The following NOL4L variants were observed in gnomAD, a reference collection of about 807,000 sequenced individuals.
The protein encoded by NOL4L is nucleolar protein 4-like.
Under a neutral mutation model 64.5 loss-of-function variants are expected in NOL4L, and 7 were observed. The observed-to-expected ratio is 0.11, with a 90% CI of 0.06 to 0.20. The LOEUF is 0.20. Ranked by LOEUF, NOL4L falls within the 10% of genes least tolerant of loss-of-function variation. The probability of loss-of-function intolerance (pLI) is 1.00; values close to 1 mark genes in which losing one functional copy is unlikely to be tolerated. For synonymous variants in NOL4L, 413 were observed against 401.0 expected (o/e 1.03, Z -0.36); for missense variants, 680 against 967.1 (o/e 0.70, Z 3.94).
At chr20:32,499,194 A>T (rs2016818591) in intron 4 of NOL4L, among the ~76,000 whole-genome samples, 1 of 151,998 alleles carries the variant, frequency 6.6e-6, no homozygotes, top group Admixed American at 6.6e-5. Context: ...ATTTTTTTTT[A>T]AATAAATGCC....
At chr20:32,551,862 C>T (rs529683661) in intron 1 of NOL4L, among the ~76,000 whole-genome samples, 1 of 152,248 alleles carries the variant, frequency 6.6e-6, no homozygotes, top group East Asian at 1.9e-4. Flanking sequence ...AATCATAACT[C>T]CCTGCAGCCT....
chr20:32,476,656 T>G (rs1348408281), intron 4 of NOL4L, among the ~76,000 whole-genome samples: 1 of 152,250 alleles, frequency 6.6e-6, no homozygotes, highest in African/African-American at 2.4e-5. Flanking sequence ...GCACCTGCTA[T>G]GGGCCAAGCT....
intron 1 of NOL4L, among the ~76,000 whole-genome samples, chr20:32,559,949 T>C (rs1461193638): frequency 6.6e-6 from 1 of 152,182 alleles, no homozygotes; most frequent in African/African-American, 2.4e-5. Context: ...AGACCAAGCC[T>C]CCCTCTGCCT....
In NOL4L at chr20:32,447,749, G is replaced by A. The variant is rs758688029; in HGVS notation, c.1890C>T (p.Ser630=). The part of the protein sequence containing the change: ...TTSTTPTPTP[S]STSTSRPVPT... Reference sequence around the variant, plus strand: ...GCACGGGCCTGCTGGTGCTGGTGCTGGAGGGGGTGGGCGTGGGGGTGGTGG... The same window carrying A: ...GCACGGGCCTGCTGGTGCTGGTGCTAGAGGGGGTGGGCGTGGGGGTGGTGG... Residue 630 remains serine, a synonymous_variant, in exon 11 of 11, where the codon TCC becomes TCT. Coordinates refer to ENST00000621426, the MANE Select transcript of NOL4L (RefSeq NM_001256798.2). The A allele has an allele frequency of 1.9e-6, 3 of 1,598,968 alleles. No homozygotes were observed. Among genetic ancestry groups the A allele is most frequent in the South Asian group, 2.2e-5 (2 of 90,262 alleles).
At chr20:32,512,004 A>G (rs889048269) in intron 3 of NOL4L, among the ~76,000 whole-genome samples, 1 of 151,990 alleles carries the variant, frequency 6.6e-6, no homozygotes, top group Non-Finnish European at 1.5e-5. Flanking sequence ...CAGAGTGAGA[A>G]TCTATCTCTA....
intron 10 of NOL4L, 50 bp from the exon 11 acceptor site, chr20:32,447,866 T>C: frequency 6.6e-7 from 1 of 1,513,906 alleles, no homozygotes. Flanking sequence ...CTGCCTGGCA[T>C]CTGGGAGGTG....
rs370726909 is a variant in NOL4L at position 32,507,890 on chromosome 20, A to G, written c.699+3457T>C. On this transcript the variant is annotated intron_variant, in intron 4 of 10. Transcript: ENST00000621426. ...GCCAGGCCTAGTGGCGGCCTCCTGT[A>G]ATCCCAGCTACTCGGGAGGTAGAGG... Among the ~76,000 whole-genome samples the G allele has an allele frequency of 2.6e-5, 4 of 152,288 alleles. No individual in the cohort carries two copies. The East Asian group carries it at 7.7e-4, about 29-fold the overall frequency.
chr20:32,457,280 A>G (rs920251679), intron 5 of NOL4L, among the ~76,000 whole-genome samples: 1 of 152,162 alleles, frequency 6.6e-6, no homozygotes, highest in African/African-American at 2.4e-5. Context: ...CTCAGCTGAG[A>G]CGGCAGAGGC....
At chr20:32,537,178 G>C in intron 1 of NOL4L, 1 of 928,372 alleles carries the variant, frequency 1.1e-6, no homozygotes, top group Non-Finnish European at 1.3e-6. Context: ...CTGATCTCCC[G>C]TAGTCCTCAC....
chr20:32,508,877 C>G (rs561903415), intron 4 of NOL4L, among the ~76,000 whole-genome samples: 4 of 152,358 alleles, frequency 2.6e-5, no homozygotes, highest in African/African-American at 9.6e-5. Flanking sequence ...TGCTTTCCCC[C>G]TTTTGCTTCG....
At chr20:32,536,898 G>GGCCTCCCCCTGTCTCCA (rs2018550488) in intron 1 of NOL4L, among the ~76,000 whole-genome samples, 1 of 148,844 alleles carries the variant, frequency 6.7e-6, no homozygotes, top group Non-Finnish European at 1.5e-5. Flanking sequence ...CAGGGCGGCT[G>GGCCTCCCCCTGTCTCCA]GCCTCCCCCT....
At chr20:32,574,497 C>T (rs1979962761) in intron 1 of NOL4L, among the ~76,000 whole-genome samples, 2 of 152,148 alleles carry the variant, frequency 1.3e-5, no homozygotes, top group Non-Finnish European at 2.9e-5. Flanking sequence ...CTGTGGAAGC[C>T]AGGGGCTCTC....
intron 4 of NOL4L, among the ~76,000 whole-genome samples, chr20:32,506,536 C>T (rs2017147608): frequency 6.6e-6 from 1 of 152,060 alleles, no homozygotes; most frequent in Admixed American, 6.5e-5. Context: ...TGGTGCGTGC[C>T]TGTAATCTCA....
intron 5 of NOL4L, among the ~76,000 whole-genome samples, chr20:32,456,928 G>T (rs2013594065): frequency 6.6e-6 from 1 of 152,242 alleles, no homozygotes; most frequent in Non-Finnish European, 1.5e-5. Flanking sequence ...GTGACCTCCA[G>T]CCATTCACTC....
intron 6 of NOL4L, among the ~76,000 whole-genome samples, chr20:32,455,770 G>C (rs2013437871): frequency 6.6e-6 from 1 of 152,240 alleles, no homozygotes; most frequent in Non-Finnish European, 1.5e-5. Flanking sequence ...CCTCGTACCT[G>C]GCTGTGCCGA....
intron 1 of NOL4L, among the ~76,000 whole-genome samples, chr20:32,556,959 G>C (rs1978695033): frequency 6.6e-6 from 1 of 152,232 alleles, no homozygotes; most frequent in African/African-American, 2.4e-5. Flanking sequence ...TGCAAAGCAG[G>C]GTGGGAAATC....
chr20:32,568,564 C>T (rs1481774546), intron 1 of NOL4L, among the ~76,000 whole-genome samples: 1 of 152,248 alleles, frequency 6.6e-6, no homozygotes, highest in Non-Finnish European at 1.5e-5. Context: ...CTACAACACT[C>T]AATGGCTCCC....
chr20:32,552,653 C>T (rs1485655783), intron 1 of NOL4L, among the ~76,000 whole-genome samples: 1 of 151,864 alleles, frequency 6.6e-6, no homozygotes, highest in Non-Finnish European at 1.5e-5. Flanking sequence ...TGCCACTGCA[C>T]TCCAGCCTGG....
intron 3 of NOL4L, among the ~76,000 whole-genome samples, chr20:32,514,618 C>T (rs995282157): frequency 2.6e-5 from 4 of 151,898 alleles, no homozygotes; most frequent in South Asian, 4.2e-4. Context: ...TCCTCTGCAC[C>T]GATACCAAAC....
Sources: gnomAD v4.1 joint callset for allele counts (sites outside exome capture counted in the v4.1 genomes callset) on GRCh38, gnomAD v4.1.1 for gene constraint, MANE v1.5 for transcripts, NCBI Gene and HGNC (gene_info 2026-07-23, HGNC 2026-07-21) for gene names.